The following ZNF428 variants were observed in gnomAD, a reference collection of about 807,000 sequenced individuals.
ZNF428 encodes enzyme-like protein PIT13.
ZNF428 carries 5 observed loss-of-function variants against 15.6 expected under a neutral mutation model. The observed-to-expected ratio is 0.32, with a 90% CI of 0.17 to 0.67. The LOEUF (loss-of-function observed/expected upper bound fraction) is 0.67, where lower values mean the gene tolerates loss of function less well. Ranked by LOEUF, ZNF428 falls within the 30% of genes least tolerant of loss-of-function variation. The pLI, the probability that ZNF428 is intolerant of heterozygous loss-of-function variation, is 0.73. For missense variants in ZNF428, 237 were observed against 256.0 expected (o/e 0.93, Z 0.51); for synonymous variants, 97 against 102.2 (o/e 0.95, Z 0.31).
chr19:43,614,238 G>C lies in ZNF428; in HGVS notation c.67C>G (p.Leu23Val), dbSNP rs1270258292. The change falls in exon 2 of 3, where the codon CTT becomes GTT. Residue 23 changes from leucine (L) to valine (V), a missense_variant. Leu to Val is a conservative substitution (Grantham distance 32). Transcript: ENST00000300811. ...TCTAAGGCCACCTTACCTGGGGAAA[G>C]GTCTTCATCATCTTCTTCCAAGCTG... ...YASLEEDDED[L>V]SPGPEHSSDS... The C allele has an allele frequency of 1.2e-6, 2 of 1,614,066 alleles. No individual in the cohort carries two copies. Among genetic ancestry groups the C allele is most frequent in the Non-Finnish European group, 1.7e-6 (2 of 1,180,040 alleles).
rs892147520 is a variant in ZNF428, at chr19:43,608,211, C to T, written c.77-104G>A. 3.4e-6 allele frequency: 5 copies of T among 1,473,214 alleles called. No individual in the cohort carries two copies. In the Admixed American group the frequency reaches 8.2e-5, roughly 24 times the overall value. 91.3% of individuals were successfully genotyped at this position (1,473,214 alleles called of 1,614,324 possible). On this transcript the variant is annotated intron_variant, in intron 2 of 2. Coordinates refer to ENST00000300811, the MANE Select transcript of ZNF428 (RefSeq NM_182498.4). ...CACATTCAGACTTGCCATAGTATGACAAGGATAGCCTAGACACTACCCTTC... is the reference window on the plus strand; with the variant it reads ...CACATTCAGACTTGCCATAGTATGATAAGGATAGCCTAGACACTACCCTTC...
intron 1 of ZNF428, among the ~76,000 whole-genome samples, 180 bp downstream of exon 1, chr19:43,619,378 G>A (rs1653287386): frequency 6.6e-6 from 1 of 152,232 alleles, no homozygotes; most frequent in African/African-American, 2.4e-5. Context: ...CGGAGCGCTC[G>A]GTTCTCCCAG....
At chr19:43,613,254 G>A in intron 2 of ZNF428, 1 of 1,551,660 alleles carries the variant, frequency 6.4e-7, no homozygotes, top group Non-Finnish European at 8.7e-7. Context: ...AGAGATCACA[G>A]GGGATCTAGC....
intron 2 of ZNF428, chr19:43,613,317 G>C: frequency 1.3e-6 from 2 of 1,551,530 alleles, no homozygotes; most frequent in Non-Finnish European, 1.7e-6. Flanking sequence ...AACAAGCAGA[G>C]AGATCACAGC....
intron 2 of ZNF428, among the ~76,000 whole-genome samples, chr19:43,609,442 G>A (rs1348287310): frequency 6.6e-6 from 1 of 151,300 alleles, no homozygotes; most frequent in East Asian, 2.0e-4. Flanking sequence ...AGTTATCAAG[G>A]ACAGGCCTAG....
chr19:43,613,885 C>T (rs1389396302), intron 2 of ZNF428: 5 of 1,551,624 alleles, frequency 3.2e-6, no homozygotes, highest in South Asian at 2.4e-5. Flanking sequence ...GAAGCTCCAG[C>T]GAGGAGAGAG....
rs1315891239 is a variant in ZNF428 at position 43,607,527 on chromosome 19, TC to T, written c.*89del. The stretch of plus-strand genomic sequence containing the variant: ...GACAACACAGACCGGCAGTACCCCA[TC>T]CCCCATGACCACTGTCACAACCCCA... On this transcript the variant is annotated 3_prime_UTR_variant, in exon 3 of 3. Coordinates refer to ENST00000300811, the MANE Select transcript of ZNF428 (RefSeq NM_182498.4). The surrounding 1 kb of genome is among the most constrained non-coding windows in gnomAD (Gnocchi z 5.1). 1.4e-6 allele frequency: 2 copies of T among 1,434,024 alleles called. No homozygotes were observed. The highest frequency in any genetic ancestry group is 2.9e-5 in the African/African-American group (2 of 69,728). The allele number at this position is 1,434,024 out of a possible 1,614,324, so 88.8% of individuals were successfully genotyped here.
rs878984939 is a variant in ZNF428, at chr19:43,612,781, A to G, written c.76+1448T>C. 3 of 1,551,550 alleles carry G rather than the reference A, an allele frequency of 1.9e-6. No homozygotes were observed. Among genetic ancestry groups the G allele is most frequent in the Non-Finnish European group, 1.7e-6 (2 of 1,146,984 alleles). On this transcript the variant is annotated intron_variant, in intron 2 of 2. Transcript: ENST00000300811. This position sits in a 1 kb window ranked among gnomAD's most constrained non-coding sequence, Gnocchi z 4.2. ...TAACTCCCAGTACAGCCAAGTGTCA[A>G]ACCCCGACTGGAATTCCCTCCAAGG...
intron 1 of ZNF428, among the ~76,000 whole-genome samples, chr19:43,618,024 GCTT>G: frequency 8.4e-6 from 1 of 119,668 alleles, no homozygotes; most frequent in South Asian, 2.8e-4. Flanking sequence ...ACCATGCCCG[GCTT>G]TTTTTTTTTT....
At chr19:43,618,727 A>G (rs927338639) in intron 1 of ZNF428, among the ~76,000 whole-genome samples, 2 of 151,974 alleles carry the variant, frequency 1.3e-5, no homozygotes, top group African/African-American at 4.8e-5. Context: ...GTTCCATGTG[A>G]TATTTGGGAC....
chr19:43,617,300 G>A (rs1273077849), intron 1 of ZNF428, among the ~76,000 whole-genome samples: 1 of 151,586 alleles, frequency 6.6e-6, no homozygotes, highest in Admixed American at 6.6e-5. Flanking sequence ...GTCTTCCACT[G>A]TACTCCCTGA....
Position 43,612,881 on chromosome 19 carries a change from GAA to G in ZNF428, c.76+1346_76+1347del. Reference sequence around the variant, plus strand: ...CGGTCAGATGATCATCCCCAGTAGGGAAAAGAGTTACAGCCCCACTGAAATGT... The same window carrying G: ...CGGTCAGATGATCATCCCCAGTAGGGAAGAGTTACAGCCCCACTGAAATGT... On this transcript the variant is annotated intron_variant, in intron 2 of 2. Transcript: ENST00000300811. The surrounding 1 kb of genome is among the most constrained non-coding windows in gnomAD (Gnocchi z 4.2). 2.6e-6 allele frequency: 4 copies of G among 1,551,686 alleles called. No homozygotes were observed. Among genetic ancestry groups the G allele is most frequent in the Non-Finnish European group, 3.5e-6 (4 of 1,147,000 alleles).
intron 1 of ZNF428, among the ~76,000 whole-genome samples, chr19:43,618,160 G>C (rs1303955635): frequency 6.8e-6 from 1 of 147,270 alleles, no homozygotes. Flanking sequence ...TCAGCCTTCC[G>C]AGTAGCTGGG....
rs1416365571 is a variant in ZNF428, at chr19:43,613,731, G to A, written c.76+498C>T. 1.9e-5 allele frequency: 30 copies of A among 1,551,656 alleles called. No individual in the cohort carries two copies. The highest frequency in any genetic ancestry group is 3.6e-5 in the South Asian group (3 of 84,058). On this transcript the variant is annotated intron_variant, in intron 2 of 2. Coordinates refer to ENST00000300811, the MANE Select transcript of ZNF428 (RefSeq NM_182498.4). ...AAGGAGAGACAGCGCAGACAATCTA[G>A]AAGCCCCAACAAGGAGAGAGATCGC...
Position 43,613,262 on chromosome 19 carries a change from A to G in ZNF428, c.76+967T>C, listed in dbSNP as rs764243754. 43 of 1,551,556 alleles carry G rather than the reference A, an allele frequency of 2.8e-5. No homozygotes were observed. The highest frequency in any genetic ancestry group is 3.7e-5 in the Non-Finnish European group (42 of 1,146,990). On this transcript the variant is annotated intron_variant, in intron 2 of 2. Coordinates refer to ENST00000300811, the MANE Select transcript of ZNF428 (RefSeq NM_182498.4). ...CAAAGAGAGAGATCACAGGGGATCT[A>G]GCAGCCCCAGGAAGGAGAGTGGTCG... is the stretch of plus-strand genomic sequence containing the variant.
At chr19:43,613,845 C>CCAGCAAGG (rs1973340448) in intron 2 of ZNF428, 1 of 1,550,660 alleles carries the variant, frequency 6.4e-7, no homozygotes, top group Admixed American at 2.0e-5. Flanking sequence ...TGGAGAAGCC[C>CCAGCAAGG]CAGCAAGGAG....
In ZNF428 at chr19:43,612,640, C is replaced by A. The variant is rs908921310; in HGVS notation, c.76+1589G>T. ...AAAAAGGGAGCCGGGGAAAGAGTTACGGCCGGCCTAGAACCAGCAACAGGG... is the reference window on the plus strand; with the variant it reads ...AAAAAGGGAGCCGGGGAAAGAGTTAAGGCCGGCCTAGAACCAGCAACAGGG... On this transcript the variant is annotated intron_variant, in intron 2 of 2. Transcript: ENST00000300811. This position sits in a 1 kb window ranked among gnomAD's most constrained non-coding sequence, Gnocchi z 4.2. The A allele has an allele frequency of 6.4e-7, 1 of 1,551,446 alleles. No individual in the cohort carries two copies. The highest frequency in any genetic ancestry group is 1.2e-5 in the South Asian group (1 of 84,060).
At chr19:43,613,991 A>T in intron 2 of ZNF428, 1 of 1,551,758 alleles carries the variant, frequency 6.4e-7, no homozygotes. Flanking sequence ...TAGAACCCCC[A>T]GCAAAGAAGG....
At chr19:43,613,745 G>A in intron 2 of ZNF428, 1 of 1,551,640 alleles carries the variant, frequency 6.4e-7, no homozygotes, top group Middle Eastern at 1.7e-4. Flanking sequence ...CCCCAACAAG[G>A]AGAGAGATCG....
Sources: allele counts gnomAD v4.1 joint callset (sites outside exome capture counted in the v4.1 genomes callset), GRCh38; gene constraint gnomAD v4.1.1; non-coding constraint Gnocchi (gnomAD v3.1); transcripts MANE v1.5; gene names NCBI Gene and HGNC (gene_info 2026-07-23, HGNC 2026-07-21).